The following NCKAP5 variants were observed in gnomAD, a reference collection of about 807,000 sequenced individuals.
NCKAP5 encodes the protein NCK associated protein 5.
NCKAP5 carries 92 observed loss-of-function variants against 167.0 expected under a neutral mutation model. The observed-to-expected ratio is 0.55, with a 90% confidence interval of 0.47 to 0.66. NCKAP5 has a LOEUF of 0.66. NCKAP5 is among the 30% of genes least tolerant of loss of function. The pLI is 0.00. For missense variants in NCKAP5, 2,378 were observed against 2,315.0 expected, an observed-to-expected ratio of 1.03 and a Z score of -0.56; for synonymous variants, 891 against 877.4, an observed-to-expected ratio of 1.02 and a Z score of -0.27.
At chr2:132,679,375 A>T (rs145843817) in intron 19 of NCKAP5, among the ~76,000 whole-genome samples, 78 of 152,178 alleles carry the variant, frequency 5.1e-4, no homozygotes, top group African/African-American at 1.8e-3. Flanking sequence ...GAAGTGAATA[A>T]GGGGGGCCCA....
chr2:133,594,015 C>A, the NCKAP5 span, among the ~76,000 whole-genome samples: 4 of 152,236 alleles, frequency 2.6e-5, no homozygotes, highest in Non-Finnish European at 4.4e-5. Flanking sequence ...GATAAATACA[C>A]GCTGTACTTT....
chr2:132,674,640 A>T (rs940270485), intron 19 of NCKAP5, among the ~76,000 whole-genome samples: 3 of 152,206 alleles, frequency 2.0e-5, no homozygotes, highest in African/African-American at 7.2e-5. Flanking sequence ...GGGAAAATAG[A>T]TATAGCCAAA....
chr2:132,956,553 C>G (rs2076351222), intron 8 of NCKAP5, among the ~76,000 whole-genome samples: 1 of 152,216 alleles, frequency 6.6e-6, no homozygotes, highest in Non-Finnish European at 1.5e-5. Context: ...CGATTTCGCC[C>G]TCTCCACTAG....
At chr2:132,718,347 G>A (rs960517408) in intron 19 of NCKAP5, among the ~76,000 whole-genome samples, 7 of 152,224 alleles carry the variant, frequency 4.6e-5, no homozygotes, top group Admixed American at 6.5e-5. Context: ...TTGGAAGAGC[G>A]AAAGTTTTCA....
chr2:132,878,458 GC>G (rs1206955334), intron 9 of NCKAP5, among the ~76,000 whole-genome samples: 2 of 152,088 alleles, frequency 1.3e-5, no homozygotes, highest in Admixed American at 6.6e-5. Context: ...GATGCAGCAT[GC>G]CCCGACATGG....
chr2:132,943,635 T>A (rs1697463797), intron 8 of NCKAP5, among the ~76,000 whole-genome samples: 1 of 152,150 alleles, frequency 6.6e-6, no homozygotes, highest in African/African-American at 2.4e-5. Context: ...ATTTTCCCAG[T>A]GGAGAGAGTC....
In NCKAP5 at chr2:133,237,985, G is replaced by A. The variant is rs549978831; in HGVS notation, c.144-24206C>T. ...ACGGGTCCTGCAGGAGGTGTTTCTGGCTGTTACAAGCACGGGAAGGAAAGC... is the reference window on the plus strand; with the variant it reads ...ACGGGTCCTGCAGGAGGTGTTTCTGACTGTTACAAGCACGGGAAGGAAAGC... On this transcript the variant is annotated intron_variant, in intron 4 of 19. Transcript: ENST00000409261. Among the ~76,000 whole-genome samples the A allele has an allele frequency of 1.1e-3, 161 of 152,198 alleles. 7 individuals are homozygous for A. The South Asian group carries it at 0.033, about 31-fold the overall frequency.
chr2:133,129,277 G>A (rs543199555), intron 6 of NCKAP5, among the ~76,000 whole-genome samples: 2 of 151,734 alleles, frequency 1.3e-5, no homozygotes, highest in Admixed American at 6.6e-5. Context: ...CCCGGAGTGT[G>A]ATGTTCCCCT....
At chr2:133,345,044 C>T (rs1683870906) in intron 3 of NCKAP5, among the ~76,000 whole-genome samples, 1 of 152,142 alleles carries the variant, frequency 6.6e-6, no homozygotes, top group Non-Finnish European at 1.5e-5. Context: ...GACAGAGATT[C>T]AGCCTTTAAG....
chr2:133,203,743 A>C (rs2085814837), intron 5 of NCKAP5, among the ~76,000 whole-genome samples: 1 of 152,172 alleles, frequency 6.6e-6, no homozygotes, highest in South Asian at 2.1e-4. Flanking sequence ...GCAGAGTGCT[A>C]TACAAAAAGA....
chr2:133,174,141 T>G (rs937530156), intron 5 of NCKAP5, among the ~76,000 whole-genome samples: 1 of 152,226 alleles, frequency 6.6e-6, no homozygotes, highest in Non-Finnish European at 1.5e-5. Context: ...CTTAGTCTCT[T>G]CTAAGCTGTA....
chr2:132,971,085 GAA>G (rs898830335), intron 7 of NCKAP5, among the ~76,000 whole-genome samples: 4 of 152,204 alleles, frequency 2.6e-5, no homozygotes, highest in African/African-American at 9.6e-5. Context: ...ATACAAAAGT[GAA>G]AAATACACGT....
chr2:133,125,299 G>A (rs2082369061), intron 6 of NCKAP5, among the ~76,000 whole-genome samples: 1 of 150,028 alleles, frequency 6.7e-6, no homozygotes, highest in South Asian at 2.1e-4. Flanking sequence ...TCCTCAAAGT[G>A]CTCCTCTAGG....
chr2:132,793,929 C>G (rs193123336), intron 12 of NCKAP5, among the ~76,000 whole-genome samples: 1 of 151,988 alleles, frequency 6.6e-6, no homozygotes, highest in Admixed American at 6.6e-5. Flanking sequence ...CAGTTTCCTT[C>G]GTCAGCATGT....
At chr2:132,702,579 A>G (rs1687988159) in intron 19 of NCKAP5, among the ~76,000 whole-genome samples, 1 of 152,240 alleles carries the variant, frequency 6.6e-6, no homozygotes, top group South Asian at 2.1e-4. Context: ...GAATCCAAAC[A>G]GCCCCCAAGG....
chr2:133,488,608 G>A (rs1681131489), intron 3 of NCKAP5, among the ~76,000 whole-genome samples: 1 of 152,098 alleles, frequency 6.6e-6, no homozygotes, highest in Admixed American at 6.5e-5. Context: ...CAAGGCAGGA[G>A]GACTGCTCGA....
intron 11 of NCKAP5, among the ~76,000 whole-genome samples, chr2:132,820,240 T>TG (rs915760183): frequency 1.9e-4 from 29 of 152,106 alleles, no homozygotes; most frequent in African/African-American, 4.6e-4. Flanking sequence ...TTTTTGTTTT[T>TG]TTTTTAAGAG....
At chr2:132,758,272 G>A (rs907587221) in intron 16 of NCKAP5, among the ~76,000 whole-genome samples, 1 of 152,026 alleles carries the variant, frequency 6.6e-6, no homozygotes, top group Non-Finnish European at 1.5e-5. Flanking sequence ...TCATGGCTGC[G>A]GTTTTTCATT....
intron 12 of NCKAP5, among the ~76,000 whole-genome samples, chr2:132,796,366 C>G (rs1252386415): frequency 1.3e-5 from 2 of 152,054 alleles, no homozygotes. Context: ...CTCAGAGACT[C>G]TGAGATGTAA....
Sources: gnomAD v4.1 joint callset for allele counts (sites outside exome capture counted in the v4.1 genomes callset) on GRCh38, gnomAD v4.1.1 for gene constraint, MANE v1.5 for transcripts, NCBI Gene and HGNC (gene_info 2026-07-23, HGNC 2026-07-21) for gene names.